Variants in STAU1 observed in about 807,000 individuals in gnomAD.
STAU1 encodes the protein double-stranded RNA-binding protein Staufen homolog 1.
STAU1 carries 13 observed loss-of-function variants against 62.9 expected under a neutral mutation model. That is an observed-to-expected ratio of 0.21 (90% CI 0.13 to 0.33). The LOEUF (loss-of-function observed/expected upper bound fraction) is 0.33, where lower values mean the gene tolerates loss of function less well. STAU1 is among the 10% of genes least tolerant of loss of function. The pLI is 1.00. For missense variants in STAU1, 571 were observed against 712.1 expected, an observed-to-expected ratio of 0.80 and a Z score of 2.25; for synonymous variants, 269 against 265.1, an observed-to-expected ratio of 1.01 and a Z score of -0.14.
intron 3 of STAU1, among the ~76,000 whole-genome samples, chr20:49,164,043 G>T (rs2093489640): frequency 1.3e-5 from 2 of 152,002 alleles, no homozygotes; most frequent in African/African-American, 4.8e-5. Context: ...ATGAGCCTGG[G>T]CAACACAGTG....
chr20:49,127,473 A>C (rs1302893816), intron 6 of STAU1, among the ~76,000 whole-genome samples: 1 of 152,228 alleles, frequency 6.6e-6, no homozygotes, highest in East Asian at 1.9e-4. Flanking sequence ...TGGTAGGCCG[A>C]GGCGGGTGGA....
chr20:49,118,918 G>A (rs117158973), intron 9 of STAU1, among the ~76,000 whole-genome samples: 2 of 152,238 alleles, frequency 1.3e-5, no homozygotes, highest in Non-Finnish European at 2.9e-5. Context: ...AAGTAACAAA[G>A]GACACTCTGA....
At chr20:49,123,517 A>G (rs2092518424) in intron 7 of STAU1, among the ~76,000 whole-genome samples, 2 of 152,198 alleles carry the variant, frequency 1.3e-5, no homozygotes, top group Non-Finnish European at 1.5e-5. Context: ...TCAACATATG[A>G]CAGTAAATGG....
intron 3 of STAU1, among the ~76,000 whole-genome samples, chr20:49,165,306 G>T (rs1257123266): frequency 2.0e-5 from 3 of 151,552 alleles, no homozygotes; most frequent in Non-Finnish European, 2.9e-5. Flanking sequence ...GCCTCCCAAA[G>T]TGCTGGGATT....
intron 3 of STAU1, among the ~76,000 whole-genome samples, chr20:49,159,846 G>A (rs1168053694): frequency 6.6e-6 from 1 of 152,212 alleles, no homozygotes; most frequent in African/African-American, 2.4e-5. Context: ...ACAAGCATGA[G>A]CCACTGCTCC....
chr20:49,194,577 TTATTA>T, the STAU1 span, among the ~76,000 whole-genome samples: 2 of 151,980 alleles, frequency 1.3e-5, no homozygotes, highest in South Asian at 2.1e-4. Context: ...AGAACTATTA[TTATTA>T]CTATTATTAT....
At chr20:49,200,293 T>G in the STAU1 span, among the ~76,000 whole-genome samples, 5,669 of 152,076 alleles carry the variant, frequency 0.037, 141 homozygotes, top group Non-Finnish European at 0.052. Context: ...GGAATCCAAC[T>G]CAGTAATAAT....
the STAU1 span, among the ~76,000 whole-genome samples, chr20:49,214,191 G>A: frequency 1.3e-5 from 2 of 151,674 alleles, no homozygotes; most frequent in Non-Finnish European, 2.9e-5. Flanking sequence ...CAGCCTGGGC[G>A]ACAGAGCTAG....
At chr20:49,138,703 T>C (rs2092943802) in intron 5 of STAU1, among the ~76,000 whole-genome samples, 1 of 152,130 alleles carries the variant, frequency 6.6e-6, no homozygotes, top group Non-Finnish European at 1.5e-5. Flanking sequence ...GGTCTCACTA[T>C]GTTGTCCAGG....
At chr20:49,120,269 T>C (rs1178354469) in intron 8 of STAU1, 141 bp from the exon 9 acceptor site, 1 of 889,240 alleles carries the variant, frequency 1.1e-6, no homozygotes, top group Non-Finnish European at 1.6e-6. Context: ...TCCTTGTCTC[T>C]GAGAGCTAAT....
the STAU1 span, among the ~76,000 whole-genome samples, chr20:49,193,759 G>C: frequency 6.6e-6 from 1 of 152,098 alleles, no homozygotes; most frequent in Non-Finnish European, 1.5e-5. Context: ...ACGAGGTCAG[G>C]AGATCAAGAC....
intron 1 of STAU1, among the ~76,000 whole-genome samples, chr20:49,182,270 G>A (rs926922034): frequency 1.1e-4 from 17 of 152,120 alleles, no homozygotes; most frequent in Non-Finnish European, 2.4e-4. Context: ...ACCAGTATGG[G>A]AATGTAAACA....
chr20:49,151,160 C>T lies in STAU1; in HGVS notation c.510+422G>A, dbSNP rs543248520. Reference sequence around the variant, plus strand: ...CTGTTATGAGGCAAAAGGTAACTGGCGCTTCTATATAATCAAGAGTGGCTG... The same window carrying T: ...CTGTTATGAGGCAAAAGGTAACTGGTGCTTCTATATAATCAAGAGTGGCTG... On this transcript the variant is annotated intron_variant, in intron 5 of 13. Coordinates refer to ENST00000371856, the MANE Select transcript of STAU1 (RefSeq NM_017453.4). Among the ~76,000 whole-genome samples, 17 of 152,216 alleles carry T rather than the reference C, an allele frequency of 1.1e-4. No homozygotes were observed. In the South Asian group the frequency reaches 2.5e-3, roughly 22 times the overall value.
intron 5 of STAU1, among the ~76,000 whole-genome samples, chr20:49,140,931 C>T (rs1199050049): frequency 6.7e-6 from 1 of 149,450 alleles, no homozygotes. Flanking sequence ...TAAAGCTTGA[C>T]AGCTGTTTCC....
intron 3 of STAU1, among the ~76,000 whole-genome samples, chr20:49,164,733 T>TA (rs1201827440): frequency 2.0e-5 from 3 of 151,876 alleles, no homozygotes; most frequent in African/African-American, 7.3e-5. Flanking sequence ...CACACTACCG[T>TA]ACTCCAGCCT....
chr20:49,209,257 A>G, the STAU1 span, among the ~76,000 whole-genome samples: 2,309 of 151,690 alleles, frequency 0.015, 60 homozygotes, highest in South Asian at 0.071. Context: ...TAAAAAGAAA[A>G]AAAAAAAAAA....
At chr20:49,131,799 T>C in intron 6 of STAU1, among the ~76,000 whole-genome samples, 1 of 149,844 alleles carries the variant, frequency 6.7e-6, no homozygotes, top group Non-Finnish European at 1.5e-5. Flanking sequence ...GCCGAGATCA[T>C]GCCACTGTTC....
chr20:49,124,478 T>C lies in STAU1; in HGVS notation c.719A>G (p.Asn240Ser), dbSNP rs751129596. 4.3e-6 allele frequency: 7 copies of C among 1,614,152 alleles called. No homozygotes were observed. Among genetic ancestry groups the C allele is most frequent in the Non-Finnish European group, 5.9e-6 (7 of 1,180,028 alleles). ...EGKSKKISKKNAAIAVLEELK... is the reference protein window; with the variant it reads ...EGKSKKISKKSAAIAVLEELK... ...CTCCTCAAGAACAGCTATGGCGGCA[T>C]TTTTCTTTGAAATCTTCTTGCTTTT... Residue 240 changes from asparagine (N) to serine (S), a missense_variant, in exon 7 of 14, where the codon AAT (asparagine) becomes AGT (serine). Transcript: ENST00000371856.
the STAU1 span, among the ~76,000 whole-genome samples, chr20:49,215,372 AC>A: frequency 2.0e-5 from 3 of 152,096 alleles, no homozygotes; most frequent in Non-Finnish European, 4.4e-5. Context: ...TCTGATACCT[AC>A]CAACCTTCTG....
Sources: allele counts gnomAD v4.1 joint callset (sites outside exome capture counted in the v4.1 genomes callset), GRCh38; gene constraint gnomAD v4.1.1; transcripts MANE v1.5; gene names NCBI Gene and HGNC (gene_info 2026-07-23, HGNC 2026-07-21).